DENND1A: variants seen among roughly 807,000 people sequenced by gnomAD.
The protein encoded by DENND1A is DENN domain containing 1A, also known as DENN domain-containing protein 1A.
A neutral mutation model predicts 113.7 loss-of-function variants in DENND1A; 51 were observed. The ratio of observed to expected loss-of-function variants is 0.45; its 90% CI spans 0.36 to 0.57. DENND1A has a LOEUF of 0.57. Among genes scored for constraint, DENND1A ranks in the 20% least tolerant of loss-of-function variants. The pLI, the probability that DENND1A is intolerant of heterozygous loss-of-function variation, is 0.00. For synonymous variants in DENND1A, 565 were observed against 570.8 expected (o/e 0.99, Z 0.14); for missense variants, 1,258 against 1,395.9 (o/e 0.90, Z 1.57).
At chr9:123,714,105 T>C (rs572258282) in intron 5 of DENND1A, among the ~76,000 whole-genome samples, 1 of 152,372 alleles carries the variant, frequency 6.6e-6, no homozygotes, top group Non-Finnish European at 1.5e-5. Flanking sequence ...GACAAAGCAG[T>C]GGCATTTTAT....
chr9:123,403,625 C>A lies in DENND1A; in HGVS notation c.1543-135G>T, dbSNP rs149857891. 1.2e-3 allele frequency: 859 copies of A among 714,434 alleles called. 5 individuals are homozygous for A. The African/African-American group carries it at 0.014, about 11-fold the overall frequency. The allele number at this position is 714,434 out of a possible 1,614,324, so 44.3% of individuals were successfully genotyped here. A position where few individuals can be genotyped will look rare whatever the true frequency, so the allele number is the denominator to read the frequency against. Reference sequence around the variant, plus strand: ...TTCAAAGCTACAGGCTACAAAAGCCCAGCCTATCACAGAAACATCACCATC... The same window carrying A: ...TTCAAAGCTACAGGCTACAAAAGCCAAGCCTATCACAGAAACATCACCATC... On this transcript the variant is annotated intron_variant, in intron 20 of 23. Transcript: ENST00000394215.
chr9:123,507,073 C>T (rs2134407581), intron 13 of DENND1A, among the ~76,000 whole-genome samples: 1 of 152,292 alleles, frequency 6.6e-6, no homozygotes, highest in Non-Finnish European at 1.5e-5. Context: ...CCTGTAATCC[C>T]AGCTACTTGG....
intron 5 of DENND1A, 84 bp downstream of exon 5, chr9:123,757,619 C>G: frequency 1.9e-6 from 3 of 1,555,820 alleles, no homozygotes; most frequent in East Asian, 4.6e-5. Flanking sequence ...AAATGAACAG[C>G]TGGAAGATTT....
intron 2 of DENND1A, among the ~76,000 whole-genome samples, chr9:123,865,553 G>A (rs1845695017): frequency 2.0e-5 from 3 of 152,208 alleles, no homozygotes; most frequent in Admixed American, 1.3e-4. Context: ...TGTCCCCCCA[G>A]GGCAGACTCC....
intron 3 of DENND1A, among the ~76,000 whole-genome samples, chr9:123,775,946 C>T (rs1830413069): frequency 6.6e-6 from 1 of 152,164 alleles, no homozygotes; most frequent in Non-Finnish European, 1.5e-5. Context: ...AGAAGTGGCT[C>T]TAGTTTGTGC....
chr9:123,916,371 CTTT>C (rs545019678), intron 1 of DENND1A, among the ~76,000 whole-genome samples: 6 of 126,636 alleles, frequency 4.7e-5, no homozygotes, highest in Admixed American at 1.6e-4. Context: ...TACGTATTTG[CTTT>C]TTTTTTTTTT....
intron 11 of DENND1A, among the ~76,000 whole-genome samples, chr9:123,606,051 G>T (rs2060140851): frequency 6.6e-6 from 1 of 152,164 alleles, no homozygotes; most frequent in African/African-American, 2.4e-5. Context: ...CTTTCCTTTG[G>T]CCCCAGGTCT....
intron 13 of DENND1A, among the ~76,000 whole-genome samples, chr9:123,536,312 A>C (rs1400831247): frequency 6.6e-6 from 1 of 152,156 alleles, no homozygotes; most frequent in Non-Finnish European, 1.5e-5. Flanking sequence ...TCTACTAAAA[A>C]TACAAAAATT....
chr9:123,883,948 A>T (rs1487983643), intron 1 of DENND1A, among the ~76,000 whole-genome samples: 1 of 152,100 alleles, frequency 6.6e-6, no homozygotes, highest in African/African-American at 2.4e-5. Context: ...CTTATCCATG[A>T]TCATTTCCAT....
intron 13 of DENND1A, among the ~76,000 whole-genome samples, chr9:123,459,113 G>A (rs1440063049): frequency 6.6e-6 from 1 of 152,240 alleles, no homozygotes; most frequent in Admixed American, 6.5e-5. Context: ...AGGTTGCAGT[G>A]AACTGAGATG....
intron 11 of DENND1A, among the ~76,000 whole-genome samples, chr9:123,588,633 A>ACGGGGGGGGG (rs1554894950): frequency 6.9e-5 from 6 of 86,462 alleles, no homozygotes; most frequent in African/African-American, 2.6e-4. Flanking sequence ...AAAAAAAAAA[A>ACGGGGGGGGG]GGGGGGGGGG....
chr9:123,850,043 T>C (rs888389988), intron 2 of DENND1A, among the ~76,000 whole-genome samples: 2 of 152,234 alleles, frequency 1.3e-5, no homozygotes, highest in African/African-American at 4.8e-5. Context: ...GGTGAAAACA[T>C]TGTAAACATT....
chr9:123,513,778 G>A (rs1461921203), intron 13 of DENND1A, among the ~76,000 whole-genome samples: 2 of 152,184 alleles, frequency 1.3e-5, no homozygotes, highest in Admixed American at 1.3e-4. Context: ...TGGATTTACT[G>A]CAACTAACAG....
At chr9:123,485,653 C>CGT (rs2050776517) in intron 13 of DENND1A, 4 of 50,860 alleles carry the variant, frequency 7.9e-5, no homozygotes, top group African/African-American at 1.8e-4. Flanking sequence ...CACGCGCGCG[C>CGT]GCGCACACAC....
At chr9:123,588,283 C>CAAAAAAAA (rs10640791) in intron 11 of DENND1A, among the ~76,000 whole-genome samples, 1 of 68,098 alleles carries the variant, frequency 1.5e-5, no homozygotes, top group Non-Finnish European at 3.0e-5. Context: ...AACTCTGTCT[C>CAAAAAAAA]AAAAAAAAAA....
chr9:123,613,650 A>AT (rs1457797286), intron 10 of DENND1A, among the ~76,000 whole-genome samples: 2 of 152,216 alleles, frequency 1.3e-5, no homozygotes, highest in Admixed American at 1.3e-4. Context: ...TTTTGAAGAC[A>AT]TTTTAAACGG....
intron 8 of DENND1A, among the ~76,000 whole-genome samples, chr9:123,652,901 A>G (rs1174900202): frequency 6.6e-6 from 1 of 152,018 alleles, no homozygotes; most frequent in African/African-American, 2.4e-5. Flanking sequence ...CAGATTTCAG[A>G]AAAAAAATGG....
In DENND1A at chr9:123,566,913, C is replaced by CCACACACACACACA. The variant is rs59984497; in HGVS notation, c.868-9232_868-9219dup. Among the ~76,000 whole-genome samples the CCACACACACACACA allele has an allele frequency of 1.0e-2, 1,474 of 147,424 alleles. 16 individuals carry two copies. Among genetic ancestry groups the CCACACACACACACA allele is most frequent in the East Asian group, 0.043 (217 of 5,052 alleles). On this transcript the variant is annotated intron_variant, in intron 12 of 23. Coordinates refer to ENST00000394215, the MANE Select transcript of DENND1A (RefSeq NM_001352964.2). ...TATACAACAATTTAGCTTTAACACA[C>CCACACACACACACA]CACACACACACACACACACACACAC...
chr9:123,822,200 G>A (rs1288420714), intron 2 of DENND1A, among the ~76,000 whole-genome samples: 1 of 152,034 alleles, frequency 6.6e-6, no homozygotes, highest in Non-Finnish European at 1.5e-5. Flanking sequence ...AGCCTATAAA[G>A]TCACTAAAGC....
Sources: allele counts gnomAD v4.1 joint callset (sites outside exome capture counted in the v4.1 genomes callset), GRCh38; gene constraint gnomAD v4.1.1; transcripts MANE v1.5; gene names NCBI Gene and HGNC (gene_info 2026-07-23, HGNC 2026-07-21).